GNB1L: variants seen among roughly 807,000 people sequenced by gnomAD.
GNB1L encodes guanine nucleotide-binding protein subunit beta-like protein 1.
GNB1L carries 20 observed loss-of-function variants against 29.1 expected under a neutral mutation model. That is an observed-to-expected ratio of 0.69 (90% confidence interval 0.48 to 1.00). GNB1L has a LOEUF of 1.00. Among genes scored for constraint, GNB1L ranks in the 50% least tolerant of loss-of-function variants. The pLI, the probability that GNB1L is intolerant of heterozygous loss-of-function variation, is 0.00. For missense variants in GNB1L, 421 were observed against 464.9 expected, an observed-to-expected ratio of 0.91 and a Z score of 0.87; for synonymous variants, 193 against 206.5, an observed-to-expected ratio of 0.93 and a Z score of 0.56.
rs1356372465 is a variant in GNB1L, at chr22:19,816,150, C to T, written c.255-3703G>A. On this transcript the variant is annotated intron_variant, in intron 4 of 7. Coordinates refer to ENST00000329517, the MANE Select transcript of GNB1L (RefSeq NM_053004.3). The surrounding 1 kb of genome is among the most constrained non-coding windows in gnomAD (Gnocchi z 4.4). ...CCCCCTGCATGGCCCCTTCTCTCTCCCTGTCTCTGCCTCTCTCTCATGTCT... is the reference window on the plus strand; with the variant it reads ...CCCCCTGCATGGCCCCTTCTCTCTCTCTGTCTCTGCCTCTCTCTCATGTCT... 6.6e-6 allele frequency among the ~76,000 whole-genome samples: 1 copy of T among 152,190 alleles called. No individual in the cohort carries two copies. The highest frequency in any genetic ancestry group is 2.4e-5 in the African/African-American group (1 of 41,444).
intron 5 of GNB1L, among the ~76,000 whole-genome samples, chr22:19,808,164 T>TTCAGCCCCAC (rs1937458022): frequency 6.6e-6 from 1 of 152,112 alleles, no homozygotes; most frequent in African/African-American, 2.4e-5. Context: ...AACACAGGGC[T>TTCAGCCCCAC]TCAGCCCCAC....
At position 19,806,719 on chromosome 22, in the gene GNB1L, G is replaced by A. The variant is rs571832049; in HGVS notation, c.456C>T (p.Cys152=). 33 of 1,613,358 alleles carry A rather than the reference G, an allele frequency of 2.0e-5. No homozygotes were observed. Among genetic ancestry groups the A allele is most frequent in the Middle Eastern group, 1.6e-4 (1 of 6,084 alleles). The change falls in exon 6 of 8, where the codon TGC becomes TGT. Residue 152 remains cysteine (C), a synonymous_variant. Transcript: ENST00000329517. ...ILEMPSKTSV[C]ALKPKADAKL... Reference sequence around the variant, plus strand: ...TGGCATCTGCCTTCGGCTTCAGGGCGCACACTGACGTCTTGGAGGGCATCT... The same window carrying A: ...TGGCATCTGCCTTCGGCTTCAGGGCACACACTGACGTCTTGGAGGGCATCT...
intron 2 of GNB1L, among the ~76,000 whole-genome samples, chr22:19,854,068 G>C (rs1455273384): frequency 2.6e-5 from 4 of 152,224 alleles, no homozygotes; most frequent in South Asian, 2.1e-4. Context: ...TTGGGCCTGA[G>C]CCTTCCTAAC....
intron 2 of GNB1L, among the ~76,000 whole-genome samples, chr22:19,835,598 C>T (rs1198456369): frequency 6.6e-6 from 1 of 151,948 alleles, no homozygotes; most frequent in African/African-American, 2.4e-5. Context: ...TGCTTGAACC[C>T]AGCTGGCGGA....
At chr22:19,806,075 C>T (rs1653220176) in intron 6 of GNB1L, among the ~76,000 whole-genome samples, 1 of 152,284 alleles carries the variant, frequency 6.6e-6, no homozygotes, top group African/African-American at 2.4e-5. Context: ...TCCCTCCCAG[C>T]AACCCCGACC....
chr22:19,837,516 G>A (rs1389277597), intron 2 of GNB1L, among the ~76,000 whole-genome samples: 1 of 152,194 alleles, frequency 6.6e-6, no homozygotes, highest in Non-Finnish European at 1.5e-5. Flanking sequence ...CTAGGAAAAT[G>A]TAAATTAAAA....
chr22:19,802,311 C>T (rs1219099756), intron 6 of GNB1L, 95 bp from the exon 7 acceptor site: 5 of 948,904 alleles, frequency 5.3e-6, no homozygotes, highest in Middle Eastern at 2.3e-4. Flanking sequence ...GCCCCTCCTG[C>T]TGGCTGGGGC....
intron 2 of GNB1L, among the ~76,000 whole-genome samples, chr22:19,822,414 C>T (rs1399393217): frequency 6.6e-6 from 1 of 152,238 alleles, no homozygotes; most frequent in Non-Finnish European, 1.5e-5. Context: ...CCCTTCCAAC[C>T]ACTCAGACCC....
rs1216058886 is a variant in GNB1L at position 19,816,892 on chromosome 22, A to G, written c.254+3706T>C. Among the ~76,000 whole-genome samples the G allele has an allele frequency of 6.6e-6, 1 of 151,812 alleles. No individual in the cohort carries two copies. On this transcript the variant is annotated intron_variant, in intron 4 of 7. Coordinates refer to ENST00000329517, the MANE Select transcript of GNB1L (RefSeq NM_053004.3). This position sits in a 1 kb window ranked among gnomAD's most constrained non-coding sequence, Gnocchi z 4.4. ...GCTGCCGCTGCCACACCACCCCCCC[A>G]ACCCTGCTTCTTTGACTGCCTGGCA...
intron 2 of GNB1L, chr22:19,851,356 T>C (rs1180225425): frequency 4.3e-6 from 7 of 1,614,068 alleles, no homozygotes; most frequent in Admixed American, 1.7e-5. Flanking sequence ...ACTCCGACAG[T>C]CTAGGGACAG....
chr22:19,820,490 G>T, intron 4 of GNB1L, 108 bp downstream of exon 4: 1 of 1,257,494 alleles, frequency 8.0e-7, no homozygotes, highest in Non-Finnish European at 1.1e-6. Flanking sequence ...GGCCCCTTCT[G>T]GTTCCCCCAC....
At position 19,787,217 on chromosome 22, in the gene GNB1L, C is replaced by T. The variant is rs570786739; in HGVS notation, c.*1492G>A. 1.1e-3 allele frequency: 166 copies of T among 152,824 alleles called. No individual in the cohort carries two copies. In the Middle Eastern group the frequency reaches 0.027, roughly 25 times the overall value. The allele number at this position is 152,824 out of a possible 1,614,324, so 9.5% of individuals were successfully genotyped here. ...GGTCTCACTGACAAATCCAACACCC[C>T]CATCCCCAGGCCTTGGAAGCCCTCC... On this transcript the variant is annotated 3_prime_UTR_variant, in exon 8 of 8. Coordinates refer to ENST00000329517, the MANE Select transcript of GNB1L (RefSeq NM_053004.3).
chr22:19,851,862 C>A (rs767800218), intron 2 of GNB1L: 1 of 1,613,900 alleles, frequency 6.2e-7, no homozygotes, highest in Non-Finnish European at 8.5e-7. Context: ...CTGATGTTGT[C>A]CTGATAGTGC....
At chr22:19,837,032 T>C (rs1249165812) in intron 2 of GNB1L, among the ~76,000 whole-genome samples, 5 of 151,740 alleles carry the variant, frequency 3.3e-5, no homozygotes, top group Non-Finnish European at 7.4e-5. Flanking sequence ...AGTGGCGCGA[T>C]CTCGGCTCAC....
intron 2 of GNB1L, among the ~76,000 whole-genome samples, chr22:19,822,693 C>T (rs1044601369): frequency 1.3e-5 from 2 of 152,228 alleles, no homozygotes; most frequent in Admixed American, 1.3e-4. Flanking sequence ...ACGGCAGCCA[C>T]AGCCAGCAGA....
intron 5 of GNB1L, among the ~76,000 whole-genome samples, chr22:19,811,399 C>T (rs1212848490): frequency 6.6e-6 from 1 of 152,116 alleles, no homozygotes; most frequent in Non-Finnish European, 1.5e-5. Context: ...ATGTCCTCCC[C>T]ATGCCCCGCC....
At chr22:19,836,973 T>C (rs1361614482) in intron 2 of GNB1L, among the ~76,000 whole-genome samples, 1 of 152,032 alleles carries the variant, frequency 6.6e-6, no homozygotes, top group Non-Finnish European at 1.5e-5. Flanking sequence ...AAGAGATTTT[T>C]TTTTTTTTTT....
chr22:19,826,439 C>T (rs1037382428), intron 2 of GNB1L, among the ~76,000 whole-genome samples: 1 of 152,230 alleles, frequency 6.6e-6, no homozygotes, highest in East Asian at 1.9e-4. Flanking sequence ...GCACTGTAAT[C>T]GAGAGTCATG....
chr22:19,851,046 C>T, intron 2 of GNB1L: 1 of 1,448,034 alleles, frequency 6.9e-7, no homozygotes, highest in South Asian at 1.5e-5. Context: ...GCATCTTGCC[C>T]AGCTATGGGG....
Sources: gnomAD v4.1 joint callset for allele counts (sites outside exome capture counted in the v4.1 genomes callset) on GRCh38, gnomAD v4.1.1 for gene constraint, Gnocchi (gnomAD v3.1) non-coding constraint, MANE v1.5 for transcripts, NCBI Gene and HGNC (gene_info 2026-07-23, HGNC 2026-07-21) for gene names.